Variants in PPP1R3A observed in about 807,000 individuals in gnomAD.
PPP1R3A encodes the protein protein phosphatase 1 regulatory subunit 3A.
A neutral mutation model predicts 41.7 loss-of-function variants in PPP1R3A; 29 were observed. That is an observed-to-expected ratio of 0.70 (90% CI 0.52 to 0.95). PPP1R3A has a LOEUF of 0.95. PPP1R3A is among the 40% of genes least tolerant of loss of function. PPP1R3A has a pLI of 0.00. For synonymous variants in PPP1R3A, 485 were observed against 453.4 expected, an observed-to-expected ratio of 1.07 and a Z score of -0.89; for missense variants, 1,352 against 1,292.4, an observed-to-expected ratio of 1.05 and a Z score of -0.71.
In PPP1R3A at chr7:113,879,911, T is replaced by C; in HGVS notation, c.1181A>G (p.Tyr394Cys). 6.2e-7 allele frequency: 1 copy of C among 1,613,614 alleles called. No individual in the cohort carries two copies. Among genetic ancestry groups the C allele is most frequent in the South Asian group, 1.1e-5 (1 of 91,076 alleles). ...ATGTGTACAGTCATCTCCTGAGGAA[T>C]ATTTTTCATTGCAGTAAAAATCTCC... is the stretch of plus-strand genomic sequence containing the variant. ...VKGDFYCNEKYSSGDDCTHQP... is the reference protein window; with the variant it reads ...VKGDFYCNEKCSSGDDCTHQP... The change falls in exon 4 of 4, where the codon TAT becomes TGT. Residue 394 changes from tyrosine (Y) to cysteine (C), a missense_variant. Coordinates refer to ENST00000284601, the MANE Select transcript of PPP1R3A (RefSeq NM_002711.4).
chr7:113,917,377 C>T (rs191984115), intron 1 of PPP1R3A, among the ~76,000 whole-genome samples: 1 of 151,998 alleles, frequency 6.6e-6, no homozygotes, highest in South Asian at 2.1e-4. Context: ...CTCTACTTAC[C>T]TAGTGTCACA....
Position 113,878,810 on chromosome 7 carries a change from C to T in PPP1R3A, c.2282G>A (p.Arg761Gln), listed in dbSNP as rs62001880. The change falls in exon 4 of 4, where the codon CGA (arginine) becomes CAA (glutamine). Residue 761 changes from arginine (R) to glutamine (Q), a missense_variant. Physicochemically the swap from Arg to Gln is conservative, Grantham distance 43. Coordinates refer to ENST00000284601, the MANE Select transcript of PPP1R3A (RefSeq NM_002711.4). ...IIAKLPQETA[R>Q]SDRPIEVKET... Reference sequence around the variant, plus strand: ...CTTTACCTCGATGGGCCTGTCACTTCGTGCTGTCTCTTGAGGTAGCTTAGC... The same window carrying T: ...CTTTACCTCGATGGGCCTGTCACTTTGTGCTGTCTCTTGAGGTAGCTTAGC... 111 of 1,613,466 alleles carry T rather than the reference C, an allele frequency of 6.9e-5. 1 individual carries two copies. Among genetic ancestry groups the T allele is most frequent in the Non-Finnish European group, 9.2e-5 (109 of 1,179,758 alleles).
rs1206228039 is a variant in PPP1R3A, at chr7:113,878,363, G to A, written c.2729C>T (p.Pro910Leu). 1.2e-6 allele frequency: 2 copies of A among 1,612,318 alleles called. No individual in the cohort carries two copies. The highest frequency in any genetic ancestry group is 1.3e-5 in the African/African-American group (1 of 74,872). ...SAFNSDTNRAPQNSSPFSKHH... is the reference protein window; with the variant it reads ...SAFNSDTNRALQNSSPFSKHH... ...TTTGGAAAAAGGAGAGCTATTCTGA[G>A]GAGCTCTATTAGTGTCTGAGTTAAA... Residue 910 changes from proline to leucine, a missense_variant, in exon 4 of 4, where the codon CCT (proline) becomes CTT (leucine). Physicochemically the swap from Pro to Leu is moderately conservative, Grantham distance 98. Transcript: ENST00000284601.
intron 1 of PPP1R3A, among the ~76,000 whole-genome samples, chr7:113,907,835 T>A (rs7792710): frequency 6.6e-6 from 1 of 151,500 alleles, no homozygotes; most frequent in Non-Finnish European, 1.5e-5. Flanking sequence ...ATAGAGGGCG[T>A]TGTGGCAAAG....
chr7:113,914,135 T>C (rs1797300475), intron 1 of PPP1R3A, among the ~76,000 whole-genome samples: 2 of 152,146 alleles, frequency 1.3e-5, no homozygotes, highest in South Asian at 4.1e-4. Flanking sequence ...GGGACAATTG[T>C]GATGAAGGGC....
At chr7:113,882,421 A>T in intron 1 of PPP1R3A, 101 bp from the exon 2 acceptor site, 1 of 697,946 alleles carries the variant, frequency 1.4e-6, no homozygotes, top group Non-Finnish European at 2.5e-6. Flanking sequence ...CCAAATAAAC[A>T]TTATATAGCC....
chr7:113,899,323 T>A (rs922402525), intron 1 of PPP1R3A, among the ~76,000 whole-genome samples: 1 of 151,778 alleles, frequency 6.6e-6, no homozygotes, highest in African/African-American at 2.4e-5. Flanking sequence ...AAAGTTTACT[T>A]CATTCTAAAT....
intron 1 of PPP1R3A, among the ~76,000 whole-genome samples, chr7:113,894,976 G>C (rs1796954011): frequency 6.6e-6 from 1 of 151,948 alleles, no homozygotes; most frequent in South Asian, 2.1e-4. Context: ...TCCGAACTTT[G>C]AAATCAAATC....
In PPP1R3A at chr7:113,880,082, T is replaced by C; in HGVS notation, c.1010A>G (p.Asp337Gly). 1 of 1,608,088 alleles carries C rather than the reference T, an allele frequency of 6.2e-7. No individual in the cohort carries two copies. Among genetic ancestry groups the C allele is most frequent in the Non-Finnish European group, 8.5e-7 (1 of 1,175,042 alleles). ...ATCTGTTGAAAATGTATTCCTTTCATCTCTGGAAGCAGTACTTCTGGTTCT... is the reference window on the plus strand; with the variant it reads ...ATCTGTTGAAAATGTATTCCTTTCACCTCTGGAAGCAGTACTTCTGGTTCT... Reference protein sequence around the residue: ...LIRTRSTASRDERNTFSTDPV... With the variant: ...LIRTRSTASRGERNTFSTDPV... Residue 337 changes from aspartate (D) to glycine (G), a missense_variant, in exon 4 of 4, where the codon GAT becomes GGT. By Grantham distance (94) the Asp-to-Gly change is moderately conservative. Coordinates refer to ENST00000284601, the MANE Select transcript of PPP1R3A (RefSeq NM_002711.4).
intron 1 of PPP1R3A, 115 bp downstream of exon 1, chr7:113,918,100 T>C (rs1797369953): frequency 2.9e-6 from 3 of 1,038,404 alleles, no homozygotes; most frequent in South Asian, 3.3e-5. Context: ...CATTGTTTTT[T>C]ACATAGCAAG....
At chr7:113,891,107 A>AC (rs1796878499) in intron 1 of PPP1R3A, among the ~76,000 whole-genome samples, 2 of 150,638 alleles carry the variant, frequency 1.3e-5, no homozygotes, top group African/African-American at 2.4e-5. Context: ...AAAAAAAAAA[A>AC]AAAAAAACCC....
chr7:113,888,732 G>T (rs1796830418), intron 1 of PPP1R3A, among the ~76,000 whole-genome samples: 2 of 152,122 alleles, frequency 1.3e-5, no homozygotes, highest in Admixed American at 1.3e-4. Context: ...GTTATTTCTA[G>T]GTTTCTGATT....
chr7:113,916,567 C>T (rs1012310604), intron 1 of PPP1R3A, among the ~76,000 whole-genome samples: 2 of 152,078 alleles, frequency 1.3e-5, no homozygotes, highest in South Asian at 4.1e-4. Flanking sequence ...CATTAAATTG[C>T]AGAAAAATCC....
intron 1 of PPP1R3A, among the ~76,000 whole-genome samples, chr7:113,901,753 T>C (rs1322455349): frequency 6.6e-6 from 1 of 151,738 alleles, no homozygotes; most frequent in Non-Finnish European, 1.5e-5. Flanking sequence ...GTGTCAAAAG[T>C]ATTATTTTCA....
chr7:113,918,643 A>T lies in PPP1R3A; in HGVS notation c.354T>A (p.Asp118Glu). The T allele has an allele frequency of 3.7e-6, 6 of 1,613,630 alleles. No homozygotes were observed. Among genetic ancestry groups the T allele is most frequent in the Non-Finnish European group, 5.1e-6 (6 of 1,179,740 alleles). The change falls in exon 1 of 4, where the codon GAT becomes GAA. Residue 118 changes from aspartate to glutamate, a missense_variant. Asp to Glu is a conservative substitution (Grantham distance 45). Transcript: ENST00000284601. The part of the protein sequence containing the change: ...PLFDLPSSKE[D>E]LMQQLQIQKA... ...TCTGTATTTGGAGTTGTTGCATAAG[A>T]TCTTCTTTTGAAGAAGGCAAGTCAA...
chr7:113,909,477 T>C (rs889434031), intron 1 of PPP1R3A, among the ~76,000 whole-genome samples: 2 of 150,656 alleles, frequency 1.3e-5, no homozygotes, highest in African/African-American at 5.0e-5. Context: ...AGGCAGGGCT[T>C]GGAGAGTGCC....
Position 113,880,044 on chromosome 7 carries a change from G to GA in PPP1R3A, c.1047dup (p.Pro350SerfsTer3), listed in dbSNP as rs1562917243. ...TTCTCTAACCCCTCTGCTTTATTTG[G>GA]AAAATTGACTGGATCTGTTGAAAAT... On this transcript the variant is annotated frameshift_variant, in exon 4 of 4. Transcript: ENST00000284601. LOFTEE classifies it low-confidence loss of function (END_TRUNC). 4 of 1,610,736 alleles carry GA rather than the reference G, an allele frequency of 2.5e-6. No homozygotes were observed. The highest frequency in any genetic ancestry group is 1.7e-5 in the Admixed American group (1 of 59,858).
chr7:113,888,511 G>A (rs1796826536), intron 1 of PPP1R3A, among the ~76,000 whole-genome samples: 1 of 152,150 alleles, frequency 6.6e-6, no homozygotes, highest in African/African-American at 2.4e-5. Flanking sequence ...ATCAGAATTA[G>A]AAATCTACAT....
chr7:113,918,663 A>G lies in PPP1R3A; in HGVS notation c.334T>C (p.Leu112=). ...EEYVLAPLFD[L]PSSKEDLMQQ... ...ATAAGATCTTCTTTTGAAGAAGGCAAGTCAAACAGTGGGGCTAAAACATAT... is the reference window on the plus strand; with the variant it reads ...ATAAGATCTTCTTTTGAAGAAGGCAGGTCAAACAGTGGGGCTAAAACATAT... Residue 112 remains leucine, a synonymous_variant, in exon 1 of 4, where the codon TTG becomes CTG. Transcript: ENST00000284601. 1 of 1,613,674 alleles carries G rather than the reference A, an allele frequency of 6.2e-7. No individual in the cohort carries two copies. Among genetic ancestry groups the G allele is most frequent in the Non-Finnish European group, 8.5e-7 (1 of 1,179,810 alleles).
Sources: allele counts gnomAD v4.1 joint callset (sites outside exome capture counted in the v4.1 genomes callset), GRCh38; gene constraint gnomAD v4.1.1; transcripts MANE v1.5; gene names NCBI Gene and HGNC (gene_info 2026-07-23, HGNC 2026-07-21).